GOLGA4: variants seen among roughly 807,000 people sequenced by gnomAD.
The protein encoded by GOLGA4 is golgin A4.
A neutral mutation model predicts 265.9 loss-of-function variants in GOLGA4; 169 were observed. The ratio of observed to expected loss-of-function variants is 0.64; its 90% CI spans 0.56 to 0.72. The LOEUF (loss-of-function observed/expected upper bound fraction) is 0.72. GOLGA4 is among the 30% of genes least tolerant of loss of function. GOLGA4 has a pLI of 0.00. For missense variants in GOLGA4, 2,482 were observed against 2,483.4 expected, an observed-to-expected ratio of 1.00 and a Z score of 0.01; for synonymous variants, 923 against 855.8, an observed-to-expected ratio of 1.08 and a Z score of -1.37.
At chr3:37,311,972 T>C (rs1288245025) in intron 10 of GOLGA4, among the ~76,000 whole-genome samples, 1 of 152,216 alleles carries the variant, frequency 6.6e-6, no homozygotes, top group African/African-American at 2.4e-5. Flanking sequence ...GATTCTGGAA[T>C]TTAAAAAATG....
chr3:37,260,270 A>T (rs1210804840), intron 2 of GOLGA4, among the ~76,000 whole-genome samples: 2 of 152,004 alleles, frequency 1.3e-5, no homozygotes. Flanking sequence ...AATTTAATTG[A>T]CCCAAAATCA....
chr3:37,252,379 AGTT>A (rs149220274), intron 2 of GOLGA4, among the ~76,000 whole-genome samples: 1,906 of 147,340 alleles, frequency 0.013, 22 homozygotes, highest in African/African-American at 0.037. Flanking sequence ...TAAACATTGT[AGTT>A]AAACATTTGG....
At chr3:37,334,471 A>G (rs780165069) in intron 16 of GOLGA4, among the ~76,000 whole-genome samples, 6 of 152,180 alleles carry the variant, frequency 3.9e-5, no homozygotes, top group Non-Finnish European at 5.9e-5. Context: ...AATTAGGACA[A>G]AGGACCATCT....
In GOLGA4 at chr3:37,319,064, A is replaced by G; in HGVS notation, c.1415A>G (p.Lys472Arg). The stretch of plus-strand genomic sequence containing the variant: ...ATTATCTATTTGGCTCATTTTCAGA[A>G]ATCCTCAGAAGAACAAATTGCTAAG... ...VKQEVVDVMK[K>R]SSEEQIAKLQ... Residue 472 changes from lysine (K) to arginine (R), a missense_variant and splice_region_variant, in exon 12 of 24, where the codon AAA becomes AGA. Physicochemically the swap from Lys to Arg is conservative, Grantham distance 26. This residue lies in a region of GOLGA4 where 1,536 missense variants were observed against 1,483.7 expected (regional missense o/e 1.04). Coordinates refer to ENST00000361924, the MANE Select transcript of GOLGA4 (RefSeq NM_002078.5). The G allele has an allele frequency of 6.3e-7, 1 of 1,582,648 alleles. No homozygotes were observed. Among genetic ancestry groups the G allele is most frequent in the Non-Finnish European group, 8.6e-7 (1 of 1,166,758 alleles).
chr3:37,340,196 A>G lies in GOLGA4; in HGVS notation c.6469A>G (p.Lys2157Glu). The G allele has an allele frequency of 1.6e-6, 2 of 1,265,424 alleles. No homozygotes were observed. Among genetic ancestry groups the G allele is most frequent in the East Asian group, 5.0e-5 (2 of 39,604 alleles). The allele number at this position is 1,265,424 out of a possible 1,614,324, so 78.4% of individuals were successfully genotyped here. A position where few individuals can be genotyped will look rare whatever the true frequency, so the allele number is the denominator to read the frequency against. ...VYATTVGTPY[K>E]GGNLYHTDVS... The stretch of plus-strand genomic sequence containing the variant: ...TGCAACAACTGTGGGGACACCTTAC[A>G]AAGGTAAGGATGATCTCGTGTCATG... The change falls in exon 20 of 24, where the codon AAA becomes GAA. Residue 2157 changes from lysine to glutamate, a missense_variant. Lys to Glu is a moderately conservative substitution (Grantham distance 56). Coordinates refer to ENST00000361924, the MANE Select transcript of GOLGA4 (RefSeq NM_002078.5).
At chr3:37,355,304 A>G (rs928525215) in intron 22 of GOLGA4, 117 bp downstream of exon 22, 23 of 621,254 alleles carry the variant, frequency 3.7e-5, no homozygotes, top group Admixed American at 8.0e-5. Flanking sequence ...AATCTTTATT[A>G]TATCACAGCC....
At chr3:37,289,134 C>A (rs576267154) in intron 4 of GOLGA4, 101 bp from the exon 5 acceptor site, 7 of 660,456 alleles carry the variant, frequency 1.1e-5, no homozygotes, top group African/African-American at 5.5e-5. Context: ...TTTGGATAAA[C>A]GGTTGTAATA....
At chr3:37,281,652 G>A (rs901963834) in intron 2 of GOLGA4, among the ~76,000 whole-genome samples, 9 of 152,108 alleles carry the variant, frequency 5.9e-5, no homozygotes, top group African/African-American at 1.7e-4. Flanking sequence ...CTGTGAGGTC[G>A]GCTGGGAAAG....
chr3:37,316,676 G>A (rs903524015), intron 11 of GOLGA4, among the ~76,000 whole-genome samples: 1 of 152,098 alleles, frequency 6.6e-6, no homozygotes, highest in African/African-American at 2.4e-5. Flanking sequence ...TAGACATATG[G>A]TATAAAAATC....
intron 11 of GOLGA4, among the ~76,000 whole-genome samples, chr3:37,316,464 T>A (rs915073385): frequency 1.3e-5 from 2 of 152,154 alleles, no homozygotes; most frequent in African/African-American, 4.8e-5. Context: ...AAATTATATT[T>A]CTTTCATTTT....
At chr3:37,348,155 T>C (rs1226496847) in intron 21 of GOLGA4, among the ~76,000 whole-genome samples, 1 of 152,130 alleles carries the variant, frequency 6.6e-6, no homozygotes, top group Non-Finnish European at 1.5e-5. Flanking sequence ...GTTCAAGCAC[T>C]GATTTGGCAA....
chr3:37,286,284 G>T (rs1221573730), intron 4 of GOLGA4, among the ~76,000 whole-genome samples: 4 of 150,324 alleles, frequency 2.7e-5, no homozygotes, highest in Non-Finnish European at 3.0e-5. Flanking sequence ...CTCCCGAGTA[G>T]CTGGGACTAC....
intron 20 of GOLGA4, 69 bp from the exon 21 acceptor site, chr3:37,347,124 A>G (rs2097058995): frequency 7.8e-6 from 7 of 893,702 alleles, no homozygotes; most frequent in South Asian, 3.0e-5. Context: ...TTTTAAATCT[A>G]TTTTTATAAG....
chr3:37,342,200 C>T (rs868236041), intron 20 of GOLGA4, among the ~76,000 whole-genome samples: 42 of 151,988 alleles, frequency 2.8e-4, no homozygotes, highest in Non-Finnish European at 3.7e-4. Flanking sequence ...AAAAATTAGC[C>T]GCGTATGGTG....
intron 2 of GOLGA4, among the ~76,000 whole-genome samples, chr3:37,255,771 G>C (rs1263559969): frequency 6.9e-6 from 1 of 144,904 alleles, no homozygotes; most frequent in Non-Finnish European, 1.5e-5. Context: ...TTTGTTTTTT[G>C]AGACAGGGTC....
intron 3 of GOLGA4, among the ~76,000 whole-genome samples, chr3:37,284,354 T>C (rs1353754900): frequency 6.6e-6 from 1 of 152,108 alleles, no homozygotes; most frequent in Non-Finnish European, 1.5e-5. Context: ...AACCTCCGCC[T>C]ACTGGGTCCT....
At chr3:37,257,891 A>G (rs1448492535) in intron 2 of GOLGA4, among the ~76,000 whole-genome samples, 1 of 112,652 alleles carries the variant, frequency 8.9e-6, no homozygotes, top group Non-Finnish European at 1.7e-5. Context: ...TTTCATATAT[A>G]TACATATATA....
chr3:37,302,104 C>G, intron 9 of GOLGA4, 81 bp from the exon 10 acceptor site: 4 of 1,265,332 alleles, frequency 3.2e-6, no homozygotes, highest in Non-Finnish European at 4.5e-6. Context: ...CCTTTTTCTG[C>G]CTTTTAAATT....
rs541780568 is a variant in GOLGA4 at position 37,284,534 on chromosome 3, G to A, written c.478-1480G>A. 3.9e-3 allele frequency among the ~76,000 whole-genome samples: 588 copies of A among 152,196 alleles called. 4 individuals carry two copies. The highest frequency in any genetic ancestry group is 0.013 in the African/African-American group (532 of 41,522). On this transcript the variant is annotated intron_variant, in intron 3 of 23. Transcript: ENST00000361924. ...CCCAGAGTGCTGAGATTACAGGCGTGAGCCACCACACCCGGCTGTGAACAC... is the reference window on the plus strand; with the variant it reads ...CCCAGAGTGCTGAGATTACAGGCGTAAGCCACCACACCCGGCTGTGAACAC...
Sources: gnomAD v4.1 joint callset for allele counts (sites outside exome capture counted in the v4.1 genomes callset) on GRCh38, gnomAD v4.1.1 for gene constraint, gnomAD v4.1.1 regional missense constraint, MANE v1.5 for transcripts, NCBI Gene and HGNC (gene_info 2026-07-23, HGNC 2026-07-21) for gene names.